The following INPP4B variants were observed in gnomAD, a reference collection of about 807,000 sequenced individuals.
INPP4B encodes the protein inositol polyphosphate-4-phosphatase type II B, also known as inositol polyphosphate 4-phosphatase type II.
In INPP4B, 55 loss-of-function variants were observed where a neutral mutation model predicts 122.5. The observed-to-expected ratio is 0.45, with a 90% CI of 0.36 to 0.56. The LOEUF (loss-of-function observed/expected upper bound fraction) is 0.56, where lower values mean the gene tolerates loss of function less well. Ranked by LOEUF, INPP4B falls within the 20% of genes least tolerant of loss-of-function variation. The probability of loss-of-function intolerance (pLI) is 0.00; values close to 1 mark genes in which losing one functional copy is unlikely to be tolerated. For synonymous variants in INPP4B, 403 were observed against 388.7 expected (o/e 1.04, Z -0.43); for missense variants, 1,000 against 1,097.7 (o/e 0.91, Z 1.26).
chr4:142,140,771 T>C (rs986653248), intron 18 of INPP4B, among the ~76,000 whole-genome samples: 2 of 152,196 alleles, frequency 1.3e-5, no homozygotes, highest in Admixed American at 1.3e-4. Flanking sequence ...AAATGTTACT[T>C]GAATCTTTAG....
chr4:142,812,247 T>C (rs1402577316), intron 1 of INPP4B, among the ~76,000 whole-genome samples: 3 of 152,172 alleles, frequency 2.0e-5, no homozygotes, highest in Non-Finnish European at 2.9e-5. Flanking sequence ...CATGGTATTT[T>C]AGCCTTGACA....
At chr4:142,638,163 T>G (rs1202772465) in intron 2 of INPP4B, among the ~76,000 whole-genome samples, 2 of 152,210 alleles carry the variant, frequency 1.3e-5, no homozygotes. Flanking sequence ...TCTCATTCTC[T>G]TGACATTGTC....
chr4:142,368,708 GA>G (rs78401519), intron 7 of INPP4B, among the ~76,000 whole-genome samples: 43,044 of 146,664 alleles, frequency 0.29, 6,442 homozygotes, highest in East Asian at 0.47. Context: ...AAATTAATAG[GA>G]AAAAAAAAAA....
At chr4:142,045,633 A>G (rs1472097573) in intron 25 of INPP4B, among the ~76,000 whole-genome samples, 1 of 151,960 alleles carries the variant, frequency 6.6e-6, no homozygotes, top group Non-Finnish European at 1.5e-5. Context: ...TTTGACCTTT[A>G]CCTCTCAGCT....
At chr4:142,384,076 T>C (rs1795115509) in intron 7 of INPP4B, 2 of 702,120 alleles carry the variant, frequency 2.8e-6, no homozygotes, top group Non-Finnish European at 5.2e-6. Context: ...TCTGAGGACC[T>C]CAAGATCCAC....
chr4:142,118,798 T>A (rs1453803895), intron 21 of INPP4B, among the ~76,000 whole-genome samples: 6 of 152,056 alleles, frequency 3.9e-5, no homozygotes, highest in Non-Finnish European at 8.8e-5. Context: ...AGAAATGGGA[T>A]CTAATTAAAC....
At chr4:142,573,018 A>T (rs2150166784) in intron 2 of INPP4B, among the ~76,000 whole-genome samples, 1 of 152,136 alleles carries the variant, frequency 6.6e-6, no homozygotes, top group Non-Finnish European at 1.5e-5. Flanking sequence ...AGAGAGGTTA[A>T]ATTGACTCAT....
intron 2 of INPP4B, among the ~76,000 whole-genome samples, chr4:142,673,005 T>C (rs1203603972): frequency 6.6e-6 from 1 of 152,168 alleles, no homozygotes; most frequent in Non-Finnish European, 1.5e-5. Context: ...CTGCAATGAA[T>C]TGTCTTTGCA....
intron 15 of INPP4B, among the ~76,000 whole-genome samples, chr4:142,186,800 T>C (rs1044077498): frequency 1.3e-5 from 2 of 152,186 alleles, no homozygotes; most frequent in African/African-American, 4.8e-5. Flanking sequence ...TCATGTGAAA[T>C]TGAGCAAAAA....
rs1221234958 is a variant in INPP4B at position 142,678,503 on chromosome 4, C to G, written c.-191+47336G>C. On this transcript the variant is annotated intron_variant, in intron 2 of 25. Coordinates refer to ENST00000262992, the MANE Select transcript of INPP4B (RefSeq NM_001101669.3). Reference sequence around the variant, plus strand: ...CTCTTGGCCTCATTTACTTATTTTACAAATTTAGATTTGGAACTAGGTATC... The same window carrying G: ...CTCTTGGCCTCATTTACTTATTTTAGAAATTTAGATTTGGAACTAGGTATC... 3.3e-5 allele frequency among the ~76,000 whole-genome samples: 5 copies of G among 151,760 alleles called. No individual in the cohort carries two copies. In the East Asian group the frequency reaches 7.8e-4, roughly 24 times the overall value.
intron 2 of INPP4B, among the ~76,000 whole-genome samples, chr4:142,684,482 A>G (rs1039513771): frequency 7.9e-5 from 12 of 151,998 alleles, no homozygotes; most frequent in Non-Finnish European, 8.8e-5. Flanking sequence ...AGTCTTCTAT[A>G]AAAATTTCTC....
At position 142,270,253 on chromosome 4, in the gene INPP4B, C is replaced by G. The variant is rs138437621; in HGVS notation, c.615+410G>C. Among the ~76,000 whole-genome samples the G allele has an allele frequency of 2.6e-3, 403 of 152,236 alleles. 2 individuals are homozygous for G. The highest frequency in any genetic ancestry group is 9.0e-3 in the African/African-American group (373 of 41,544). On this transcript the variant is annotated intron_variant, in intron 10 of 25. Coordinates refer to ENST00000262992, the MANE Select transcript of INPP4B (RefSeq NM_001101669.3). ...CCCTCCTTCACGTAAAGGTGAAATA[C>G]AAATTAAAATCGCATATCTTTCCAA...
intron 1 of INPP4B, among the ~76,000 whole-genome samples, chr4:142,840,463 A>G (rs373686816): frequency 3.0e-4 from 45 of 152,220 alleles, no homozygotes; most frequent in African/African-American, 1.1e-3. Flanking sequence ...GAATTTTAGC[A>G]TATTTAATTT....
intron 2 of INPP4B, among the ~76,000 whole-genome samples, chr4:142,522,405 A>T (rs908939699): frequency 7.3e-6 from 1 of 137,740 alleles, no homozygotes; most frequent in African/African-American, 2.7e-5. Flanking sequence ...GGTTATTCAC[A>T]GGCATGATCA....
At chr4:142,770,614 C>A (rs1371291814) in intron 1 of INPP4B, among the ~76,000 whole-genome samples, 2 of 151,942 alleles carry the variant, frequency 1.3e-5, no homozygotes, top group African/African-American at 4.8e-5. Context: ...TCATCAATTC[C>A]CCAATCTCAG....
chr4:142,671,707 A>G (rs1386604876), intron 2 of INPP4B, among the ~76,000 whole-genome samples: 1 of 152,150 alleles, frequency 6.6e-6, no homozygotes, highest in East Asian at 1.9e-4. Context: ...GTTCCAAGAT[A>G]GTAACACTTC....
chr4:142,836,483 C>T (rs567453279), intron 1 of INPP4B, among the ~76,000 whole-genome samples: 2 of 151,896 alleles, frequency 1.3e-5, no homozygotes, highest in African/African-American at 4.8e-5. Flanking sequence ...GTAATAGAAG[C>T]ACAAACAAGT....
intron 22 of INPP4B, 126 bp downstream of exon 22, chr4:142,112,416 T>C: frequency 9.9e-7 from 1 of 1,012,642 alleles, no homozygotes; most frequent in Non-Finnish European, 1.4e-6. Context: ...AATTTGATAC[T>C]GATAAAAAGA....
In INPP4B at chr4:142,405,291, C is replaced by G; in HGVS notation, c.170G>C (p.Arg57Pro). 6.2e-7 allele frequency: 1 copy of G among 1,613,040 alleles called. No individual in the cohort carries two copies. The highest frequency in any genetic ancestry group is 8.5e-7 in the Non-Finnish European group (1 of 1,179,302). Residue 57 changes from arginine to proline, a missense_variant, in exon 6 of 26, where the codon CGT becomes CCT. Arg to Pro is a moderately radical substitution (Grantham distance 103). Transcript: ENST00000262992. ...GATCTGCACCAGTGTATTCAGTTTACGATCACGGACAGGAGCCACGAGATC... is the reference window on the plus strand; with the variant it reads ...GATCTGCACCAGTGTATTCAGTTTAGGATCACGGACAGGAGCCACGAGATC... ...CKDLVAPVRDRKLNTLVQISV... is the reference protein window; with the variant it reads ...CKDLVAPVRDPKLNTLVQISV...
Sources: allele counts gnomAD v4.1 joint callset (sites outside exome capture counted in the v4.1 genomes callset), GRCh38; gene constraint gnomAD v4.1.1; transcripts MANE v1.5; gene names NCBI Gene and HGNC (gene_info 2026-07-23, HGNC 2026-07-21).